Variants in PGA3 observed in about 807,000 individuals in gnomAD.
PGA3 encodes the protein pepsin A-3.
PGA3 carries 1 observed loss-of-function variant against 15.6 expected under a neutral mutation model. The observed-to-expected ratio is 0.06, with a 90% confidence interval of 0.02 to 0.30. PGA3 has a LOEUF of 0.30. Ranked by LOEUF, PGA3 falls within the 10% of genes least tolerant of loss-of-function variation. PGA3 has a pLI of 1.00. For missense variants in PGA3, 29 were observed against 183.7 expected (o/e 0.16, Z 4.87); for synonymous variants, 14 against 79.5 (o/e 0.18, Z 4.38).
chr11:61,211,481 T>C (rs752525845), intron 8 of PGA3, 46 bp downstream of exon 8: 65 of 1,216,994 alleles, frequency 5.3e-5, no homozygotes, highest in Middle Eastern at 3.0e-4. Flanking sequence ...ACACAGAATG[T>C]GGACACAGAG....
chr11:61,204,671 C>G (rs1387509192), intron 2 of PGA3: 7 of 290,898 alleles, frequency 2.4e-5, no homozygotes, highest in South Asian at 1.8e-4. Flanking sequence ...GGGCAGGGAG[C>G]CTCCCTGGAG....
intron 2 of PGA3, among the ~76,000 whole-genome samples, chr11:61,205,314 G>A (rs1853912448): frequency 6.6e-6 from 1 of 151,890 alleles, no homozygotes; most frequent in South Asian, 2.1e-4. Flanking sequence ...ACAAATATTG[G>A]CACCTCTCTA....
At chr11:61,206,079 A>T (rs1853924623) in intron 2 of PGA3, 9 of 234,832 alleles carry the variant, frequency 3.8e-5, no homozygotes, top group South Asian at 3.1e-4. Flanking sequence ...AAAACTGGAC[A>T]GGTTTCCATC....
chr11:61,204,306 G>A, intron 2 of PGA3, 37 bp downstream of exon 2: 1 of 1,319,082 alleles, frequency 7.6e-7, no homozygotes, highest in Non-Finnish European at 1.0e-6. Flanking sequence ...CAGCTCTGAG[G>A]ACTTGGCCCG....
At position 61,203,525 on chromosome 11, in the gene PGA3, C is replaced by T. The variant is rs372778966; in HGVS notation, c.-40C>T. On this transcript the variant is annotated 5_prime_UTR_variant, in exon 1 of 9. Transcript: ENST00000325558. The stretch of plus-strand genomic sequence containing the variant: ...ATGCTGCTGCTCTGCACCTTCCTCC[C>T]GTCTTGCCTTCTCCCTCGAGTTGGG... The T allele has an allele frequency of 1.4e-5, 23 of 1,611,660 alleles. No individual in the cohort carries two copies. Among genetic ancestry groups the T allele is most frequent in the African/African-American group, 4.0e-5 (3 of 74,800 alleles).
At chr11:61,205,124 A>G (rs1301306809) in intron 2 of PGA3, among the ~76,000 whole-genome samples, 2 of 152,006 alleles carry the variant, frequency 1.3e-5, no homozygotes, top group African/African-American at 2.4e-5. Flanking sequence ...GACCTTGGCC[A>G]AGTCATTTAA....
chr11:61,211,871 A>G (rs1449254284), intron 8 of PGA3, among the ~76,000 whole-genome samples: 16 of 151,276 alleles, frequency 1.1e-4, no homozygotes, highest in African/African-American at 3.6e-4. Flanking sequence ...GGCAAATGGA[A>G]ATCCTAATTT....
At chr11:61,203,650 G>T (rs767735197) in intron 1 of PGA3, 30 bp downstream of exon 1, 22 of 1,606,860 alleles carry the variant, frequency 1.4e-5, no homozygotes, top group Non-Finnish European at 3.4e-6. Flanking sequence ...GTGTGAAGAC[G>T]CTGCCTCCCA....
At chr11:61,205,671 C>T (rs1470521967) in intron 2 of PGA3, 5 of 136,570 alleles carry the variant, frequency 3.7e-5, no homozygotes, top group African/African-American at 1.3e-4. Flanking sequence ...GACTGGTCAT[C>T]GCCAAAGAAC....
At chr11:61,204,732 A>G (rs1853903572) in intron 2 of PGA3, 2 of 188,988 alleles carry the variant, frequency 1.1e-5, no homozygotes, top group African/African-American at 2.4e-5. Flanking sequence ...AACTCCGCAT[A>G]GCCTGATCCC....
At chr11:61,206,054 A>G in intron 2 of PGA3, 1 of 241,282 alleles carries the variant, frequency 4.1e-6, no homozygotes, top group South Asian at 3.8e-5. Flanking sequence ...GTACACATCT[A>G]GACGTAGAAA....
chr11:61,206,022 A>G (rs1244942355), intron 2 of PGA3: 1 of 161,388 alleles, frequency 6.2e-6, no homozygotes. Flanking sequence ...AATTCTGGCA[A>G]TGCCCTTTCT....
At chr11:61,205,197 T>C (rs926708111) in intron 2 of PGA3, among the ~76,000 whole-genome samples, 1 of 151,912 alleles carries the variant, frequency 6.6e-6, no homozygotes, top group African/African-American at 2.4e-5. Context: ...TCAGAGGATG[T>C]TGCCAGGAAT....
chr11:61,204,574 C>T (rs1565206655), intron 2 of PGA3: 1 of 562,872 alleles, frequency 1.8e-6, no homozygotes, highest in Non-Finnish European at 3.1e-6. Context: ...CAAACACAGT[C>T]ATCAAGGGGT....
chr11:61,204,942 A>G (rs1783183), intron 2 of PGA3, among the ~76,000 whole-genome samples: 17 of 152,236 alleles, frequency 1.1e-4, no homozygotes, highest in Admixed American at 6.5e-4. Context: ...CCCTGACTTT[A>G]TTATTTGAGA....
At chr11:61,204,765 C>T (rs12270686) in intron 2 of PGA3, 7 of 171,832 alleles carry the variant, frequency 4.1e-5, no homozygotes, top group East Asian at 1.6e-4. Flanking sequence ...CTGTAGCAGG[C>T]GGGAGCACAG....
intron 2 of PGA3, chr11:61,205,538 G>A (rs1317237533): frequency 1.1e-4 from 17 of 151,646 alleles, no homozygotes; most frequent in Non-Finnish European, 2.1e-4. Flanking sequence ...TGTTGGCAGA[G>A]GGGACATTTG....
At chr11:61,205,795 C>G in intron 2 of PGA3, 1 of 62,052 alleles carries the variant, frequency 1.6e-5, no homozygotes, top group East Asian at 2.9e-4. Flanking sequence ...GTCAGGAGTT[C>G]GAGACCAGCC....
At chr11:61,203,736 T>A in intron 1 of PGA3, 116 bp downstream of exon 1, 1 of 1,568,092 alleles carries the variant, frequency 6.4e-7, no homozygotes, top group Non-Finnish European at 8.7e-7. Flanking sequence ...CCATCCCCCT[T>A]TTCCGCCTCT....
Sources: allele counts gnomAD v4.1 joint callset (sites outside exome capture counted in the v4.1 genomes callset), GRCh38; gene constraint gnomAD v4.1.1; transcripts MANE v1.5; gene names NCBI Gene and HGNC (gene_info 2026-07-23, HGNC 2026-07-21).